The following MGAT4C variants were observed in gnomAD, a reference collection of about 807,000 sequenced individuals.
MGAT4C encodes the protein MGAT4 family member C, also known as alpha-1,3-mannosyl-glycoprotein 4-beta-N-acetylglucosaminyltransferase C.
A neutral mutation model predicts 40.1 loss-of-function variants in MGAT4C; 19 were observed. The observed-to-expected ratio is 0.47, with a 90% CI of 0.33 to 0.70. The LOEUF is 0.70. MGAT4C is among the 30% of genes least tolerant of loss of function. The pLI is 0.02. For synonymous variants in MGAT4C, 181 were observed against 187.1 expected (o/e 0.97, Z 0.27); for missense variants, 491 against 563.2 (o/e 0.87, Z 1.30).
At chr12:86,214,547 T>G (rs1332263081) in intron 1 of MGAT4C, among the ~76,000 whole-genome samples, 3 of 152,148 alleles carry the variant, frequency 2.0e-5, no homozygotes, top group East Asian at 3.9e-4. Context: ...AAGATCAAGG[T>G]GCTAGCTTAT....
chr12:86,296,562 A>G (rs182174987), intron 4 of MGAT4C, among the ~76,000 whole-genome samples: 41 of 152,326 alleles, frequency 2.7e-4, no homozygotes, highest in African/African-American at 9.9e-4. Flanking sequence ...GAAGGCAGCT[A>G]AGGCCCAGCG....
At chr12:86,636,034 CA>C (rs1248459722) in intron 2 of MGAT4C, among the ~76,000 whole-genome samples, 1 of 151,514 alleles carries the variant, frequency 6.6e-6, no homozygotes, top group East Asian at 2.0e-4. Context: ...CATTGTGTTA[CA>C]ATTGCCTACA....
intron 3 of MGAT4C, among the ~76,000 whole-genome samples, chr12:86,354,393 G>C (rs746077780): frequency 6.6e-6 from 1 of 152,100 alleles, no homozygotes; most frequent in African/African-American, 2.4e-5. Flanking sequence ...TACTCTCAAA[G>C]AGAAAGCCAA....
chr12:86,191,539 G>GA (rs1465473610), intron 1 of MGAT4C, among the ~76,000 whole-genome samples: 1 of 150,816 alleles, frequency 6.6e-6, no homozygotes, highest in African/African-American at 2.4e-5. Flanking sequence ...AGTGGGTACA[G>GA]AAAAGGATGA....
At chr12:86,341,451 A>C (rs893557464) in intron 3 of MGAT4C, among the ~76,000 whole-genome samples, 2 of 152,196 alleles carry the variant, frequency 1.3e-5, no homozygotes, top group African/African-American at 4.8e-5. Flanking sequence ...AGCAAAGTAG[A>C]AGGTTAGACT....
intron 2 of MGAT4C, among the ~76,000 whole-genome samples, chr12:86,706,386 C>T (rs950949257): frequency 6.6e-6 from 1 of 151,868 alleles, no homozygotes; most frequent in African/African-American, 2.4e-5. Flanking sequence ...AAGAAAATAA[C>T]TTTCATTTAT....
intron 1 of MGAT4C, among the ~76,000 whole-genome samples, chr12:86,056,001 A>T (rs1893351012): frequency 6.6e-6 from 1 of 152,046 alleles, no homozygotes. Flanking sequence ...AGCTAAGTAA[A>T]ATACTTGCTA....
chr12:86,179,676 G>T (rs1887893381), intron 1 of MGAT4C, among the ~76,000 whole-genome samples: 1 of 152,194 alleles, frequency 6.6e-6, no homozygotes, highest in African/African-American at 2.4e-5. Context: ...TTTAGCCCCT[G>T]CCCTAGAGAT....
chr12:86,471,092 G>A (rs1402854787), intron 2 of MGAT4C, among the ~76,000 whole-genome samples: 1 of 151,930 alleles, frequency 6.6e-6, no homozygotes, highest in African/African-American at 2.4e-5. Context: ...ATTTACTGTT[G>A]ACATATCTAA....
At chr12:86,766,357 G>T (rs1028297038) in intron 1 of MGAT4C, among the ~76,000 whole-genome samples, 1 of 152,082 alleles carries the variant, frequency 6.6e-6, no homozygotes, top group Non-Finnish European at 1.5e-5. Flanking sequence ...GGAGCACCCA[G>T]ATTCATAAAG....
intron 2 of MGAT4C, among the ~76,000 whole-genome samples, chr12:86,675,757 AAT>A (rs1217528838): frequency 6.6e-6 from 1 of 152,168 alleles, no homozygotes; most frequent in Non-Finnish European, 1.5e-5. Flanking sequence ...ACATTCATAT[AAT>A]ATGTCATAAT....
intron 2 of MGAT4C, among the ~76,000 whole-genome samples, chr12:86,637,928 A>T (rs879351285): frequency 8.6e-5 from 13 of 152,006 alleles, no homozygotes; most frequent in Middle Eastern, 3.4e-3. Context: ...GCTGAAACCA[A>T]ATTACTCAGA....
intron 3 of MGAT4C, among the ~76,000 whole-genome samples, chr12:86,416,849 G>A (rs1239953793): frequency 3.3e-5 from 5 of 152,164 alleles, no homozygotes; most frequent in African/African-American, 4.8e-5. Flanking sequence ...GGTCTTCATT[G>A]CAGATATAAT....
At chr12:86,709,579 T>C (rs1950522105) in intron 2 of MGAT4C, among the ~76,000 whole-genome samples, 1 of 141,458 alleles carries the variant, frequency 7.1e-6, no homozygotes, top group Non-Finnish European at 1.5e-5. Context: ...TTATTTTACA[T>C]ATGTATGTAT....
chr12:86,275,168 A>G (rs1953041534), intron 4 of MGAT4C, among the ~76,000 whole-genome samples: 2 of 152,134 alleles, frequency 1.3e-5, no homozygotes, highest in South Asian at 4.1e-4. Context: ...ATTAAACGAC[A>G]ACTAATATGA....
At chr12:86,721,746 A>C (rs1381035190) in intron 2 of MGAT4C, among the ~76,000 whole-genome samples, 1 of 152,154 alleles carries the variant, frequency 6.6e-6, no homozygotes, top group Non-Finnish European at 1.5e-5. Context: ...ATAAGGCTTT[A>C]TATAACGTAA....
intron 3 of MGAT4C, among the ~76,000 whole-genome samples, chr12:86,380,410 A>T (rs1207226858): frequency 1.3e-5 from 2 of 152,132 alleles, no homozygotes; most frequent in Admixed American, 6.5e-5. Flanking sequence ...TTAAATATTG[A>T]CTGTGACCAT....
chr12:86,052,231 T>C (rs538885934), intron 1 of MGAT4C, among the ~76,000 whole-genome samples: 113 of 151,736 alleles, frequency 7.4e-4, no homozygotes, highest in African/African-American at 2.5e-3. Context: ...GGTAATTGAT[T>C]TGCTGCCTCA....
At chr12:86,462,072 C>T (rs1348090820) in intron 2 of MGAT4C, among the ~76,000 whole-genome samples, 2 of 152,118 alleles carry the variant, frequency 1.3e-5, no homozygotes, top group African/African-American at 4.8e-5. Flanking sequence ...AGAGTTGGAA[C>T]AGATGGCGAA....
Sources: allele counts gnomAD v4.1 joint callset (sites outside exome capture counted in the v4.1 genomes callset), GRCh38; gene constraint gnomAD v4.1.1; transcripts MANE v1.5; gene names NCBI Gene and HGNC (gene_info 2026-07-23, HGNC 2026-07-21).